LRRN4: variants seen among roughly 807,000 people sequenced by gnomAD.
LRRN4 encodes leucine rich repeat neuronal 4.
In LRRN4, 26 loss-of-function variants were observed where a neutral mutation model predicts 22.3. That is an observed-to-expected ratio of 1.16 (90% CI 0.85 to 1.62). The LOEUF (loss-of-function observed/expected upper bound fraction) is 1.62, where lower values mean the gene tolerates loss of function less well. Ranked by LOEUF, LRRN4 falls within the 40% of genes most tolerant of loss-of-function variation. The pLI, the probability that LRRN4 is intolerant of heterozygous loss-of-function variation, is 0.00. For synonymous variants in LRRN4, 496 were observed against 486.2 expected (o/e 1.02, Z -0.26); for missense variants, 1,070 against 1,008.5 (o/e 1.06, Z -0.83).
chr20:6,041,090 T>TGTC lies in LRRN4; in HGVS notation c.2152_2154dup (p.Asp718dup). ...GGGTTTTTGTAGGCCACCAGGTGCG[T>TGTC]GTCGCAGCGCTGCAGGCCCAGCGTC... On this transcript the variant is annotated inframe_insertion, in exon 5 of 5. Transcript: ENST00000378858. The surrounding 1 kb of genome is among the most constrained non-coding windows in gnomAD (Gnocchi z 9.4). The TGTC allele has an allele frequency of 1.2e-6, 2 of 1,613,642 alleles. No individual in the cohort carries two copies. Among genetic ancestry groups the TGTC allele is most frequent in the East Asian group, 4.5e-5 (2 of 44,868 alleles).
At position 6,040,958 on chromosome 20, in the gene LRRN4, C is replaced by CAA. The variant is rs541566350; in HGVS notation, c.*63_*64insTT. On this transcript the variant is annotated 3_prime_UTR_variant, in exon 5 of 5. Coordinates refer to ENST00000378858, the MANE Select transcript of LRRN4 (RefSeq NM_152611.5). ...AGGAGCGGATGGGGTCGTTTTTGAC[C>CAA]GTCTGTGTCTTCCTTTTTGCGCTCA... The CAA allele has an allele frequency of 4.3e-5, 69 of 1,588,790 alleles. No individual in the cohort carries two copies. The African/African-American group carries it at 6.9e-4, about 16-fold the overall frequency.
chr20:6,053,287 C>A lies in LRRN4; in HGVS notation c.-5-483G>T, dbSNP rs527920715. ...TCCGTTCAGCAACTCTCAGTTACCC[C>A]GCTTTTCCCCATTAGAACTGCCCAG... On this transcript the variant is annotated intron_variant, in intron 1 of 4. Transcript: ENST00000378858. Among the ~76,000 whole-genome samples the A allele has an allele frequency of 1.8e-4, 28 of 152,280 alleles. No individual in the cohort carries two copies. The South Asian group carries it at 5.8e-3, about 32-fold the overall frequency.
chr20:6,042,384 CCGCA>C, intron 4 of LRRN4, 138 bp from the exon 5 acceptor site: 1 of 910,468 alleles, frequency 1.1e-6, no homozygotes, highest in South Asian at 1.8e-5. Context: ...GGCACACACG[CCGCA>C]CACACACATC....
rs1400974558 is a variant in LRRN4, at chr20:6,047,442, A to T, written c.861-2762T>A. Reference sequence around the variant, plus strand: ...GACACACATACACACACACACACACACACACACACACACACACACACACAC... The same window carrying T: ...GACACACATACACACACACACACACTCACACACACACACACACACACACAC... On this transcript the variant is annotated intron_variant, in intron 3 of 4. Transcript: ENST00000378858. Among the ~76,000 whole-genome samples, 13 of 148,960 alleles carry T rather than the reference A, an allele frequency of 8.7e-5. 1 individual carries two copies. The South Asian group carries it at 1.1e-3, about 12-fold the overall frequency.
chr20:6,044,509 C>G (rs747434341), intron 4 of LRRN4, 34 bp downstream of exon 4: 2 of 1,443,294 alleles, frequency 1.4e-6, no homozygotes, highest in Admixed American at 2.4e-5. Context: ...GGCTGACCCT[C>G]TGCCCTCAGC....
chr20:6,044,658 GA>G lies in LRRN4; in HGVS notation c.882del (p.Pro295LeufsTer37). The part of the protein sequence containing the change: ...LFQNCNLSSF[P>X]PWTLDSSQVL... ...ACCTGGGAGGAATCCAGGGTCCAAGGAGGGAAGGAACTCAAGTTGCAGCTGA... is the reference window on the plus strand; with the variant it reads ...ACCTGGGAGGAATCCAGGGTCCAAGGGGGAAGGAACTCAAGTTGCAGCTGA... On this transcript the variant is annotated frameshift_variant, in exon 4 of 5. Transcript: ENST00000378858. LOFTEE classifies it high-confidence loss of function. 1 of 1,556,846 alleles carries G rather than the reference GA, an allele frequency of 6.4e-7. No individual in the cohort carries two copies. The highest frequency in any genetic ancestry group is 8.7e-7 in the Non-Finnish European group (1 of 1,154,762).
At chr20:6,048,224 G>A (rs117807751) in intron 3 of LRRN4, among the ~76,000 whole-genome samples, 1 of 151,952 alleles carries the variant, frequency 6.6e-6, no homozygotes, top group African/African-American at 2.4e-5. Context: ...CATTCTCCTG[G>A]TTTTTCTGCT....
intron 3 of LRRN4, among the ~76,000 whole-genome samples, chr20:6,046,242 T>C (rs978223298): frequency 6.7e-6 from 1 of 148,592 alleles, no homozygotes. Context: ...AGTTAGAGGT[T>C]ACAGTGAGCC....
At chr20:6,043,601 G>C (rs1330335269) in intron 4 of LRRN4, among the ~76,000 whole-genome samples, 1 of 151,968 alleles carries the variant, frequency 6.6e-6, no homozygotes, top group African/African-American at 2.4e-5. Context: ...CTGGGCTTGG[G>C]TGGGAGATGA....
intron 3 of LRRN4, among the ~76,000 whole-genome samples, chr20:6,047,721 G>A (rs1288502518): frequency 2.6e-5 from 4 of 151,636 alleles, no homozygotes; most frequent in Admixed American, 2.0e-4. Flanking sequence ...AACCTGGGAG[G>A]TGAAGATTGC....
At chr20:6,045,352 C>G (rs1448921300) in intron 3 of LRRN4, among the ~76,000 whole-genome samples, 1 of 148,324 alleles carries the variant, frequency 6.7e-6, no homozygotes, top group Non-Finnish European at 1.5e-5. Flanking sequence ...GCAGGAGAAT[C>G]ACTTGAGCCT....
intron 4 of LRRN4, among the ~76,000 whole-genome samples, chr20:6,043,672 C>A (rs959812657): frequency 1.3e-5 from 2 of 151,970 alleles, no homozygotes; most frequent in African/African-American, 4.8e-5. Flanking sequence ...TTGGGAGGCC[C>A]AGATGGGAGG....
intron 4 of LRRN4, among the ~76,000 whole-genome samples, chr20:6,043,930 C>A (rs1176486886): frequency 2.0e-5 from 3 of 151,958 alleles, no homozygotes; most frequent in Non-Finnish European, 4.4e-5. Context: ...CAAAAAGAAT[C>A]CTGCAGAATG....
intron 4 of LRRN4, among the ~76,000 whole-genome samples, chr20:6,042,479 A>G (rs976353772): frequency 6.6e-6 from 1 of 152,148 alleles, no homozygotes. Flanking sequence ...AGAAGTTTAG[A>G]AGGAGGAACT....
chr20:6,053,309 C>T (rs535657854), intron 1 of LRRN4, among the ~76,000 whole-genome samples: 5 of 152,132 alleles, frequency 3.3e-5, no homozygotes, highest in African/African-American at 1.2e-4. Context: ...TTAGAACTGC[C>T]CAGCCGCAGG....
At chr20:6,044,164 G>A (rs1477269975) in intron 4 of LRRN4, among the ~76,000 whole-genome samples, 6 of 152,260 alleles carry the variant, frequency 3.9e-5, no homozygotes, top group Non-Finnish European at 7.4e-5. Context: ...TGGATAACCC[G>A]GGAGCAGGAG....
At chr20:6,045,555 T>G (rs1981082302) in intron 3 of LRRN4, among the ~76,000 whole-genome samples, 1 of 149,276 alleles carries the variant, frequency 6.7e-6, no homozygotes, top group African/African-American at 2.4e-5. Context: ...ATATTGTTAT[T>G]ATGGACCAGT....
chr20:6,050,725 GCGTAATGGGC>G, intron 3 of LRRN4, 44 bp downstream of exon 3: 2 of 1,522,292 alleles, frequency 1.3e-6, no homozygotes, highest in Non-Finnish European at 1.8e-6. Flanking sequence ...ATTCAACATA[GCGTAATGGGC>G]AAAAATCAGT....
Position 6,041,031 on chromosome 20 carries a change from G to C in LRRN4, c.2214C>G (p.Thr738=), listed in dbSNP as rs774769459. The change falls in exon 5 of 5, where the codon ACC becomes ACG. Residue 738 remains threonine, a synonymous_variant. Coordinates refer to ENST00000378858, the MANE Select transcript of LRRN4 (RefSeq NM_152611.5). The surrounding 1 kb of genome is among the most constrained non-coding windows in gnomAD (Gnocchi z 9.4). ...AFDDYPLGLQ[T]VS ...TATCCCAGAAGCTGGGCTAACTGAC[G>C]GTCTGGAGCCCCAGCGGGTAATCAT... 1 of 1,613,920 alleles carries C rather than the reference G, an allele frequency of 6.2e-7. No homozygotes were observed. Among genetic ancestry groups the C allele is most frequent in the Non-Finnish European group, 8.5e-7 (1 of 1,179,962 alleles).
Sources: gnomAD v4.1 joint callset for allele counts (sites outside exome capture counted in the v4.1 genomes callset) on GRCh38, gnomAD v4.1.1 for gene constraint, Gnocchi (gnomAD v3.1) non-coding constraint, MANE v1.5 for transcripts, NCBI Gene and HGNC (gene_info 2026-07-23, HGNC 2026-07-21) for gene names.